Variants in HOXD3 observed in about 807,000 individuals in gnomAD.
The protein encoded by HOXD3 is homeobox D3, also known as homeobox protein Hox-D3.
A neutral mutation model predicts 32.8 loss-of-function variants in HOXD3; 13 were observed. The observed-to-expected ratio is 0.40, with a 90% CI of 0.26 to 0.63. The LOEUF (loss-of-function observed/expected upper bound fraction) is 0.63, where lower values mean the gene tolerates loss of function less well. Among genes scored for constraint, HOXD3 ranks in the 20% least tolerant of loss-of-function variants. The pLI, the probability that HOXD3 is intolerant of heterozygous loss-of-function variation, is 0.44. For missense variants in HOXD3, 504 were observed against 577.1 expected, an observed-to-expected ratio of 0.87 and a Z score of 1.30; for synonymous variants, 241 against 246.8, an observed-to-expected ratio of 0.98 and a Z score of 0.22.
chr2:176,153,135 A>AG (rs562064201), upstream of HOXD3: 83 of 345,884 alleles, frequency 2.4e-4, 2 homozygotes, highest in East Asian at 1.8e-3. Flanking sequence ...TGGGGATGGG[A>AG]GGGGGGGCGG....
chr2:176,171,419 G>A, intron 3 of HOXD3, 98 bp from the exon 4 acceptor site: 1 of 1,102,426 alleles, frequency 9.1e-7, no homozygotes, highest in Non-Finnish European at 1.3e-6. Context: ...GAGGTGGGGG[G>A]AGGGAGGAGG....
At position 176,169,172 on chromosome 2, in the gene HOXD3, G is replaced by A; in HGVS notation, c.58G>A (p.Ala20Thr). ...GCTTCCTGAGTGCACAATGCAGAAG[G>A]CTGCTTACTATGAAAACCCAGGACT... ...LELPECTMQK[A>T]AYYENPGLFG... The change falls in exon 3 of 4, where the codon GCT becomes ACT. Residue 20 changes from alanine to threonine, a missense_variant. By Grantham distance (58) the Ala-to-Thr change is moderately conservative (BLOSUM62 0). Transcript: ENST00000683222. The A allele has an allele frequency of 3.1e-6, 5 of 1,614,112 alleles. No individual in the cohort carries two copies. The highest frequency in any genetic ancestry group is 4.2e-6 in the Non-Finnish European group (5 of 1,180,008).
chr2:176,169,764 T>G, intron 3 of HOXD3, 109 bp downstream of exon 3: 1 of 1,318,292 alleles, frequency 7.6e-7, no homozygotes, highest in Non-Finnish European at 1.0e-6. Flanking sequence ...TCTAAACTCC[T>G]ACTCACGTCA....
At chr2:176,163,350 T>G (rs1476546211) in intron 1 of HOXD3, among the ~76,000 whole-genome samples, 1 of 142,728 alleles carries the variant, frequency 7.0e-6, no homozygotes, top group Non-Finnish European at 1.5e-5. Context: ...TGACGGGGGG[T>G]GGTCACCCGC....
chr2:176,166,567 A>G (rs996789217), intron 2 of HOXD3, among the ~76,000 whole-genome samples: 1 of 152,256 alleles, frequency 6.6e-6, no homozygotes, highest in Non-Finnish European at 1.5e-5. Flanking sequence ...TAGTCACAGA[A>G]TGAAGACTTA....
chr2:176,167,227 T>C (rs1690999355), intron 2 of HOXD3, among the ~76,000 whole-genome samples: 1 of 152,218 alleles, frequency 6.6e-6, no homozygotes, highest in African/African-American at 2.4e-5. Context: ...GGTCCATTCA[T>C]CATGTCATGA....
intron 2 of HOXD3, among the ~76,000 whole-genome samples, chr2:176,168,382 C>T: frequency 6.6e-6 from 1 of 151,850 alleles, no homozygotes; most frequent in East Asian, 1.9e-4. Flanking sequence ...ACCTGACCAA[C>T]ATGGTGAAAC....
chr2:176,171,920 C>A lies in HOXD3; in HGVS notation c.945C>A (p.Tyr315Ter). Residue 315 changes from tyrosine (Y) to a stop codon, truncating the protein, a stop_gained, in exon 4 of 4, where the codon TAC becomes TAA. Transcript: ENST00000683222. LOFTEE classifies it high-confidence loss of function. Reference sequence around the variant, plus strand: ...CCAATATGTACGGCCTGGCCGCCTACACGGCGCCACTCAGCAGCTGCCTGC... The same window carrying A: ...CCAATATGTACGGCCTGGCCGCCTAAACGGCGCCACTCAGCAGCTGCCTGC... ...SQPNMYGLAA[Y>*]TAPLSSCLPQ... is the part of the protein sequence containing the mutation. 2 of 1,609,952 alleles carry A rather than the reference C, an allele frequency of 1.2e-6. No individual in the cohort carries two copies. Among genetic ancestry groups the A allele is most frequent in the Non-Finnish European group, 1.7e-6 (2 of 1,178,748 alleles).
At chr2:176,152,768 C>T, upstream of HOXD3, 1 of 1,614,196 alleles carries the variant, frequency 6.2e-7, no homozygotes, top group South Asian at 1.1e-5. This position sits in a 1 kb window ranked among gnomAD's most constrained non-coding sequence, Gnocchi z 5.2. Context: ...AGCGCCAGAT[C>T]AAGATCTGGT....
At chr2:176,162,244 A>C (rs972754004) in intron 1 of HOXD3, among the ~76,000 whole-genome samples, 8 of 152,240 alleles carry the variant, frequency 5.3e-5, no homozygotes, top group Non-Finnish European at 7.3e-5. Flanking sequence ...CTGCCAGCTT[A>C]GTCAGCTGAA....
intron 2 of HOXD3, among the ~76,000 whole-genome samples, chr2:176,166,055 C>T (rs527606070): frequency 2.0e-5 from 3 of 152,278 alleles, no homozygotes; most frequent in South Asian, 2.1e-4. Context: ...AAAGCCATTT[C>T]CAGTAAGGAC....
upstream of HOXD3, among the ~76,000 whole-genome samples, chr2:176,154,075 A>C (rs555791818): frequency 1.2e-4 from 18 of 151,836 alleles, no homozygotes; most frequent in East Asian, 9.6e-4. Flanking sequence ...AAAAAAAAAA[A>C]CCCTAATTGA....
upstream of HOXD3, chr2:176,153,338 G>A (rs989440875): frequency 3.2e-5 from 7 of 216,826 alleles, no homozygotes; most frequent in Non-Finnish European, 5.6e-5. Context: ...TTAATAATGT[G>A]GGGGAGTTGA....
intron 1 of HOXD3, chr2:176,160,853 TC>T (rs986031493): frequency 2.0e-5 from 3 of 152,218 alleles, no homozygotes; most frequent in African/African-American, 7.2e-5. Flanking sequence ...CGAAGCCAGC[TC>T]GGGGACTACG....
chr2:176,153,024 C>A (rs576479801), upstream of HOXD3: 4 of 1,348,698 alleles, frequency 3.0e-6, no homozygotes, highest in Admixed American at 3.4e-5. Context: ...GCTGTCACCT[C>A]GCTGGGCTCT....
chr2:176,155,569 C>T (rs986898940), upstream of HOXD3, among the ~76,000 whole-genome samples: 1 of 152,174 alleles, frequency 6.6e-6, no homozygotes, highest in Admixed American at 6.5e-5. Context: ...CCCTGAGGTC[C>T]CAGTCGGACC....
Position 176,169,168 on chromosome 2 carries a change from G to A in HOXD3, c.54G>A (p.Gln18=), listed in dbSNP as rs2105450594. 1 of 1,614,126 alleles carries A rather than the reference G, an allele frequency of 6.2e-7. No individual in the cohort carries two copies. Among genetic ancestry groups the A allele is most frequent in the South Asian group, 1.1e-5 (1 of 91,074 alleles). Residue 18 remains glutamine, a synonymous_variant, in exon 3 of 4, where the codon CAG becomes CAA. Transcript: ENST00000683222. ...QALELPECTM[Q]KAAYYENPGL... ...TGGAGCTTCCTGAGTGCACAATGCAGAAGGCTGCTTACTATGAAAACCCAG... is the reference window on the plus strand; with the variant it reads ...TGGAGCTTCCTGAGTGCACAATGCAAAAGGCTGCTTACTATGAAAACCCAG...
At chr2:176,155,794 A>C (rs573042953), upstream of HOXD3, among the ~76,000 whole-genome samples, 6 of 152,316 alleles carry the variant, frequency 3.9e-5, no homozygotes, top group South Asian at 8.3e-4. Flanking sequence ...AAAAACAAAA[A>C]CAAAAACCGT....
chr2:176,155,547 T>G (rs2105426976), upstream of HOXD3, among the ~76,000 whole-genome samples: 1 of 152,196 alleles, frequency 6.6e-6, no homozygotes, highest in East Asian at 1.9e-4. Context: ...TGGCCCAGAG[T>G]GCAGCCCCCA....
Sources: allele counts gnomAD v4.1 joint callset (sites outside exome capture counted in the v4.1 genomes callset), GRCh38; gene constraint gnomAD v4.1.1; non-coding constraint Gnocchi (gnomAD v3.1); transcripts MANE v1.5; gene names NCBI Gene and HGNC (gene_info 2026-07-23, HGNC 2026-07-21).